The following VWF variants were observed in gnomAD, a reference collection of about 807,000 sequenced individuals.
VWF encodes von Willebrand factor, also known as Factor VIII related antigen.
A neutral mutation model predicts 308.6 loss-of-function variants in VWF; 176 were observed. The observed-to-expected ratio is 0.57, with a 90% CI of 0.50 to 0.65. The LOEUF (loss-of-function observed/expected upper bound fraction) is 0.65. Among genes scored for constraint, VWF ranks in the 30% least tolerant of loss-of-function variants. The probability of loss-of-function intolerance (pLI) is 0.00; values close to 1 mark genes in which losing one functional copy is unlikely to be tolerated. For missense variants in VWF, 3,146 were observed against 3,648.2 expected (o/e 0.86, Z 3.55); for synonymous variants, 1,385 against 1,443.4 (o/e 0.96, Z 0.92).
intron 18 of VWF, among the ~76,000 whole-genome samples, chr12:6,041,641 C>T (rs967593742): frequency 2.0e-5 from 3 of 151,596 alleles, no homozygotes; most frequent in South Asian, 2.1e-4. Context: ...GTAGAGACAG[C>T]GTTTCACCGT....
At chr12:6,005,355 T>G (rs192520265) in intron 34 of VWF, among the ~76,000 whole-genome samples, 49 of 152,284 alleles carry the variant, frequency 3.2e-4, no homozygotes, top group African/African-American at 1.1e-3. Context: ...CTCACACCAC[T>G]GGGGCAAATA....
intron 6 of VWF, among the ~76,000 whole-genome samples, chr12:6,079,407 C>T (rs1340579076): frequency 2.6e-5 from 4 of 152,064 alleles, no homozygotes; most frequent in African/African-American, 9.7e-5. Context: ...GAGATCAAGA[C>T]CATCCTGGCT....
At chr12:6,052,483 C>T in intron 16 of VWF, 60 bp downstream of exon 16, 3 of 1,613,224 alleles carry the variant, frequency 1.9e-6, no homozygotes, top group Non-Finnish European at 1.7e-6. Flanking sequence ...ACTTGGGGGT[C>T]CCGTTTTCCT....
At chr12:6,070,602 T>G (rs2136468631) in intron 10 of VWF, among the ~76,000 whole-genome samples, 1 of 152,270 alleles carries the variant, frequency 6.6e-6, no homozygotes, top group South Asian at 2.1e-4. Flanking sequence ...CCGGAAAGTG[T>G]TTAGCACAGT....
intron 5 of VWF, among the ~76,000 whole-genome samples, chr12:6,097,445 GACAAA>G (rs532257459): frequency 3.3e-5 from 5 of 151,772 alleles, no homozygotes; most frequent in Non-Finnish European, 7.4e-5. Context: ...CAAAACAAAA[GACAAA>G]ACAAAACAAA....
intron 43 of VWF, among the ~76,000 whole-genome samples, chr12:5,974,003 C>G (rs1943506317): frequency 6.6e-6 from 1 of 152,168 alleles, no homozygotes; most frequent in Admixed American, 6.5e-5. Context: ...ACACGAAGAG[C>G]AGAGAACTAT....
At chr12:6,094,616 C>T (rs1393932028) in intron 6 of VWF, among the ~76,000 whole-genome samples, 2 of 152,124 alleles carry the variant, frequency 1.3e-5, no homozygotes, top group African/African-American at 2.4e-5. Context: ...TAAAAGGTGG[C>T]GCCTTTTAGG....
intron 34 of VWF, among the ~76,000 whole-genome samples, chr12:6,002,384 C>G (rs1565825715): frequency 6.6e-6 from 1 of 151,450 alleles, no homozygotes; most frequent in Non-Finnish European, 1.5e-5. Context: ...TAACAAATGA[C>G]AAAAGAAAAT....
chr12:6,029,598 G>GCA, intron 21 of VWF, 110 bp from the exon 22 acceptor site: 2 of 1,428,190 alleles, frequency 1.4e-6, no homozygotes, highest in Non-Finnish European at 1.9e-6. Context: ...ACGAGTGCAG[G>GCA]CACTGCCACC....
At chr12:6,067,167 T>C (rs1216332245) in intron 10 of VWF, among the ~76,000 whole-genome samples, 1 of 152,240 alleles carries the variant, frequency 6.6e-6, no homozygotes, top group African/African-American at 2.4e-5. Context: ...CAGCCCATTC[T>C]GGATGTGCTG....
At position 5,971,607 on chromosome 12, in the gene VWF, A is replaced by T. The variant is rs938759382; in HGVS notation, c.7540T>A (p.Trp2514Arg). Residue 2514 changes from tryptophan to arginine, a missense_variant, in exon 44 of 52, where the codon TGG (tryptophan) becomes AGG (arginine). Physicochemically the swap from Trp to Arg is moderately radical, Grantham distance 101. Around this residue, in one of 3 missense-constraint regions of VWF, gnomAD observed 989 missense variants for 1,117.4 expected, o/e 0.89. Transcript: ENST00000261405. ...CGGGGGCCTGGACCTACACTCTTCC[A>T]GGAAGACTGGGAGTCCCCCCGCGGT... ...GSPRGDSQSS[W>R]KSVGSQWASP... is the part of the protein sequence containing the mutation. 8 of 1,613,906 alleles carry T rather than the reference A, an allele frequency of 5.0e-6. No individual in the cohort carries two copies. The Admixed American group carries it at 6.7e-5, about 13-fold the overall frequency.
intron 45 of VWF, 118 bp downstream of exon 45, chr12:5,969,093 T>G: frequency 8.5e-7 from 1 of 1,171,950 alleles, no homozygotes; most frequent in Non-Finnish European, 1.2e-6. Context: ...ATGGGAAGAT[T>G]TCGGTCCTAT....
At chr12:6,077,096 G>T (rs530627837) in intron 6 of VWF, among the ~76,000 whole-genome samples, 7 of 152,318 alleles carry the variant, frequency 4.6e-5, no homozygotes, top group Admixed American at 2.0e-4. Flanking sequence ...GATCACTTGA[G>T]ATCAGGAATT....
chr12:5,976,950 A>G (rs1943540670), intron 42 of VWF, among the ~76,000 whole-genome samples: 1 of 152,210 alleles, frequency 6.6e-6, no homozygotes, highest in Non-Finnish European at 1.5e-5. Flanking sequence ...CACGGGACTT[A>G]ATGACAGTTT....
At chr12:6,031,068 C>T (rs1467671873) in intron 21 of VWF, among the ~76,000 whole-genome samples, 2 of 151,694 alleles carry the variant, frequency 1.3e-5, no homozygotes, top group South Asian at 2.1e-4. Flanking sequence ...AACAGAAAAA[C>T]ATATGAAACA....
chr12:5,955,494 T>A (rs1480090562), intron 47 of VWF, among the ~76,000 whole-genome samples: 1 of 152,166 alleles, frequency 6.6e-6, no homozygotes, highest in Non-Finnish European at 1.5e-5. Flanking sequence ...TGCGATAGTT[T>A]ACTGAGAATG....
chr12:6,025,777 T>G, intron 23 of VWF, 84 bp from the exon 24 acceptor site: 1 of 1,552,460 alleles, frequency 6.4e-7, no homozygotes. Flanking sequence ...AGACCCTCCT[T>G]CCCACCCTGC....
chr12:5,983,351 C>T (rs923533481), intron 40 of VWF, 97 bp from the exon 41 acceptor site: 1 of 1,234,778 alleles, frequency 8.1e-7, no homozygotes, highest in Non-Finnish European at 1.1e-6. Flanking sequence ...ATGCAGACTT[C>T]TACTGTTTTA....
intron 34 of VWF, among the ~76,000 whole-genome samples, chr12:6,001,855 G>A (rs534000031): frequency 1.1e-4 from 16 of 152,074 alleles, no homozygotes; most frequent in Middle Eastern, 3.4e-3. Flanking sequence ...AGAAAATAAC[G>A]GTAACTTCCA....
Sources: gnomAD v4.1 joint callset for allele counts (sites outside exome capture counted in the v4.1 genomes callset) on GRCh38, gnomAD v4.1.1 for gene constraint, gnomAD v4.1.1 regional missense constraint, MANE v1.5 for transcripts, NCBI Gene and HGNC (gene_info 2026-07-23, HGNC 2026-07-21) for gene names.